The following ADCK1 variants were observed in gnomAD, a reference collection of about 807,000 sequenced individuals.
The protein encoded by ADCK1 is aarF domain containing kinase 1, also known as aarF domain-containing protein kinase 1.
ADCK1 carries 41 observed loss-of-function variants against 52.3 expected under a neutral mutation model. The observed-to-expected ratio is 0.78, with a 90% confidence interval of 0.61 to 1.02. ADCK1 has a LOEUF of 1.02. Ranked by LOEUF, ADCK1 falls within the 50% of genes least tolerant of loss-of-function variation. The probability of loss-of-function intolerance (pLI) is 0.00; values close to 1 mark genes in which losing one functional copy is unlikely to be tolerated. For synonymous variants in ADCK1, 250 were observed against 274.6 expected (o/e 0.91, Z 0.89); for missense variants, 658 against 679.5 (o/e 0.97, Z 0.35).
At chr14:77,807,289 C>T (rs1410781271) in intron 1 of ADCK1, among the ~76,000 whole-genome samples, 2 of 148,592 alleles carry the variant, frequency 1.3e-5, no homozygotes, top group Non-Finnish European at 3.0e-5. Flanking sequence ...GGGATGGTCT[C>T]GATCTCCTGA....
In ADCK1 at chr14:77,905,304, G is replaced by GTTTTTTTTTTTTTTTTTTTTTTTTTT. The variant is rs58057378; in HGVS notation, c.742-2479_742-2478insTTTTTTTTTTTTTTTTTTTTTTTTTT. Among the ~76,000 whole-genome samples the GTTTTTTTTTTTTTTTTTTTTTTTTTT allele has an allele frequency of 2.1e-4, 20 of 96,264 alleles. 1 individual carries two copies. The highest frequency in any genetic ancestry group is 2.4e-4 in the Non-Finnish European group (12 of 50,622). The allele number at this position is 96,264 out of a possible 152,430, so 63.2% of individuals were successfully genotyped here. On this transcript the variant is annotated intron_variant, in intron 6 of 10. Transcript: ENST00000238561. ...TCCACCTGTGACTCTTTCCTAGCTG[G>GTTTTTTTTTTTTTTTTTTTTTTTTTT]TTTTTTTTTTTTTTTTTTTTGAGAT...
intron 7 of ADCK1, among the ~76,000 whole-genome samples, chr14:77,911,452 G>A (rs1169296529): frequency 6.6e-6 from 1 of 152,204 alleles, no homozygotes; most frequent in Non-Finnish European, 1.5e-5. Flanking sequence ...CAGAGGAGCT[G>A]GAGCACCATC....
At chr14:77,815,816 T>G (rs965891122) in intron 1 of ADCK1, among the ~76,000 whole-genome samples, 1 of 98,790 alleles carries the variant, frequency 1.0e-5, no homozygotes, top group Admixed American at 9.6e-5. Flanking sequence ...CGCACCTGGC[T>G]TTTTTTTTTT....
At chr14:77,824,090 G>A (rs1268961493) in intron 3 of ADCK1, among the ~76,000 whole-genome samples, 3 of 151,678 alleles carry the variant, frequency 2.0e-5, no homozygotes, top group Non-Finnish European at 4.4e-5. Flanking sequence ...GTAGAGACAG[G>A]GTTTCGCCAT....
At chr14:77,828,960 A>G (rs1295507442) in intron 3 of ADCK1, among the ~76,000 whole-genome samples, 5 of 151,278 alleles carry the variant, frequency 3.3e-5, no homozygotes, top group Non-Finnish European at 7.4e-5. Context: ...AAATGGTTCC[A>G]CCTTTGGCCA....
intron 7 of ADCK1, among the ~76,000 whole-genome samples, chr14:77,917,603 C>G (rs1287148476): frequency 6.6e-6 from 1 of 152,088 alleles, no homozygotes; most frequent in African/African-American, 2.4e-5. Flanking sequence ...TTATAGATTC[C>G]TGGTTTTTTT....
At chr14:77,877,630 T>G (rs897326473) in intron 4 of ADCK1, among the ~76,000 whole-genome samples, 1 of 152,206 alleles carries the variant, frequency 6.6e-6, no homozygotes, top group Non-Finnish European at 1.5e-5. Flanking sequence ...CCAGTCTCTG[T>G]GTCTCATTCT....
chr14:77,837,570 A>T (rs372365919), intron 3 of ADCK1, among the ~76,000 whole-genome samples: 25 of 152,326 alleles, frequency 1.6e-4, no homozygotes, highest in African/African-American at 5.5e-4. Flanking sequence ...GGAACTTAGA[A>T]TTAATGCCAA....
Position 77,924,569 on chromosome 14 carries a change from A to C in ADCK1, c.971A>C (p.Lys324Thr), listed in dbSNP as rs775363057. The C allele has an allele frequency of 1.3e-5, 21 of 1,613,750 alleles. No individual in the cohort carries two copies. The Admixed American group carries it at 3.3e-4, about 26-fold the overall frequency. Residue 324 changes from lysine (K) to threonine (T), a missense_variant, in exon 8 of 11, where the codon AAG becomes ACG. By Grantham distance (78) the Lys-to-Thr change is moderately conservative. Transcript: ENST00000238561. ...GTGCGGAAGCACCCCGGCACGGGAA[A>C]GGCGGAGATTGTCCTGTTGGACCAT... ...VLVRKHPGTGKAEIVLLDHGL... is the reference protein window; with the variant it reads ...VLVRKHPGTGTAEIVLLDHGL...
intron 1 of ADCK1, among the ~76,000 whole-genome samples, chr14:77,814,652 TG>T (rs1470779128): frequency 7.2e-6 from 1 of 138,388 alleles, no homozygotes; most frequent in African/African-American, 2.7e-5. Flanking sequence ...AAGTTGAGAT[TG>T]TGCCATTGCA....
chr14:77,801,475 A>G (rs567781749), intron 1 of ADCK1, among the ~76,000 whole-genome samples: 7 of 152,284 alleles, frequency 4.6e-5, no homozygotes, highest in African/African-American at 1.7e-4. Flanking sequence ...AATGTAGTCT[A>G]TACTTGTCAT....
chr14:77,883,987 C>A (rs2083090517), intron 4 of ADCK1, among the ~76,000 whole-genome samples: 1 of 152,174 alleles, frequency 6.6e-6, no homozygotes. Context: ...GATCTGCTCG[C>A]CTCAGCTCTT....
intron 1 of ADCK1, among the ~76,000 whole-genome samples, chr14:77,806,857 G>C (rs2081234861): frequency 6.6e-6 from 1 of 151,940 alleles, no homozygotes; most frequent in South Asian, 2.1e-4. Flanking sequence ...TGGGACTACA[G>C]GTGCATGCCA....
chr14:77,876,469 C>T (rs921478657), intron 4 of ADCK1, among the ~76,000 whole-genome samples: 2 of 152,220 alleles, frequency 1.3e-5, no homozygotes, highest in Non-Finnish European at 2.9e-5. Context: ...CTTTGGGGCA[C>T]CTGCAAAGTA....
intron 3 of ADCK1, among the ~76,000 whole-genome samples, chr14:77,833,840 T>G (rs906798786): frequency 1.3e-5 from 2 of 152,152 alleles, no homozygotes; most frequent in Non-Finnish European, 2.9e-5. Context: ...CCAGCTACCC[T>G]CTCAATTGGT....
chr14:77,892,811 A>G (rs963238898), intron 5 of ADCK1, among the ~76,000 whole-genome samples: 17 of 152,318 alleles, frequency 1.1e-4, no homozygotes, highest in African/African-American at 3.4e-4. Flanking sequence ...TGAAGGATGT[A>G]CAAACTTGGG....
At chr14:77,895,849 T>A (rs900918762) in intron 5 of ADCK1, among the ~76,000 whole-genome samples, 3 of 152,132 alleles carry the variant, frequency 2.0e-5, no homozygotes, top group Non-Finnish European at 2.9e-5. Context: ...TTTTCTGGGC[T>A]TCGTAGCGGG....
intron 4 of ADCK1, among the ~76,000 whole-genome samples, chr14:77,879,587 A>T (rs957883716): frequency 6.6e-6 from 1 of 152,172 alleles, no homozygotes; most frequent in Non-Finnish European, 1.5e-5. Flanking sequence ...GTCAGACCCC[A>T]TGGGTCATGT....
rs1294792410 is a variant in ADCK1 at position 77,886,938 on chromosome 14, AC to A, written c.424-152del. ...CACACACACACACACACACACACAC[AC>A]ACGCACAACACACACACACACTCTC... On this transcript the variant is annotated intron_variant, in intron 4 of 10. Coordinates refer to ENST00000238561, the MANE Select transcript of ADCK1 (RefSeq NM_020421.4). 9.1e-3 allele frequency among the ~76,000 whole-genome samples: 1,174 copies of A among 129,064 alleles called. 14 individuals are homozygous for A. Among genetic ancestry groups the A allele is most frequent in the African/African-American group, 0.041 (1,106 of 27,278 alleles). The allele number at this position is 129,064 out of a possible 152,430, so 84.7% of individuals were successfully genotyped here. A position where few individuals can be genotyped will look rare whatever the true frequency, so the allele number is the denominator to read the frequency against.
Sources: gnomAD v4.1 joint callset for allele counts (sites outside exome capture counted in the v4.1 genomes callset) on GRCh38, gnomAD v4.1.1 for gene constraint, MANE v1.5 for transcripts, NCBI Gene and HGNC (gene_info 2026-07-23, HGNC 2026-07-21) for gene names.